Variants in FAM171B observed in about 807,000 individuals in gnomAD.
FAM171B encodes the protein family with sequence similarity 171 member B, also known as protein FAM171B.
FAM171B carries 19 observed loss-of-function variants against 75.6 expected under a neutral mutation model. That is an observed-to-expected ratio of 0.25 (90% CI 0.18 to 0.37). The LOEUF is 0.37. Among genes scored for constraint, FAM171B ranks in the 10% least tolerant of loss-of-function variants. The probability of loss-of-function intolerance (pLI) is 1.00; values close to 1 mark genes in which losing one functional copy is unlikely to be tolerated. For missense variants in FAM171B, 848 were observed against 982.4 expected (o/e 0.86, Z 1.83); for synonymous variants, 367 against 361.7 (o/e 1.01, Z -0.17).
At chr2:186,734,488 CACA>C (rs1405159008) in intron 1 of FAM171B, among the ~76,000 whole-genome samples, 1 of 151,968 alleles carries the variant, frequency 6.6e-6, no homozygotes, top group East Asian at 1.9e-4. Flanking sequence ...AGCAGGTCAT[CACA>C]ACATCTCTGT....
At chr2:186,719,487 ATTG>A (rs1004919348) in intron 1 of FAM171B, among the ~76,000 whole-genome samples, 6 of 152,304 alleles carry the variant, frequency 3.9e-5, no homozygotes, top group African/African-American at 1.4e-4. Flanking sequence ...CTATCAGGCT[ATTG>A]TTTGTGTGTT....
At chr2:186,761,326 A>C in intron 7 of FAM171B, 90 bp downstream of exon 7, 4 of 1,487,442 alleles carry the variant, frequency 2.7e-6, no homozygotes, top group Non-Finnish European at 3.6e-6. Flanking sequence ...TTGTAGAAAT[A>C]AATTTAATCT....
At chr2:186,733,993 G>A (rs750676353) in intron 1 of FAM171B, among the ~76,000 whole-genome samples, 38 of 152,154 alleles carry the variant, frequency 2.5e-4, no homozygotes, top group Non-Finnish European at 7.4e-5. Flanking sequence ...AGCCCTGTAT[G>A]TGTTACAGCT....
chr2:186,721,816 G>A (rs555657531), intron 1 of FAM171B, among the ~76,000 whole-genome samples: 1 of 151,828 alleles, frequency 6.6e-6, no homozygotes, highest in South Asian at 2.1e-4. Context: ...AAACTTTCTT[G>A]GTTCACAGTC....
chr2:186,733,095 A>G (rs1690142415), intron 1 of FAM171B, among the ~76,000 whole-genome samples: 1 of 152,216 alleles, frequency 6.6e-6, no homozygotes, highest in Non-Finnish European at 1.5e-5. Context: ...CGACTGTAAC[A>G]GTGCGTGTAT....
intron 1 of FAM171B, among the ~76,000 whole-genome samples, chr2:186,714,349 T>A (rs72905198): frequency 0.015 from 2,350 of 152,244 alleles, 43 homozygotes; most frequent in Non-Finnish European, 0.025. Context: ...TTTTCTGATG[T>A]TAACAATATT....
At chr2:186,711,939 A>G (rs145968444) in intron 1 of FAM171B, among the ~76,000 whole-genome samples, 2 of 152,224 alleles carry the variant, frequency 1.3e-5, no homozygotes, top group Non-Finnish European at 2.9e-5. Flanking sequence ...ATAATAGGTC[A>G]TTTTTAAATT....
In FAM171B at chr2:186,762,900, A is replaced by C; in HGVS notation, c.*77A>C. The C allele has an allele frequency of 6.6e-7, 1 of 1,513,276 alleles. No homozygotes were observed. Among genetic ancestry groups the C allele is most frequent in the Non-Finnish European group, 8.9e-7 (1 of 1,125,054 alleles). 93.7% of individuals were successfully genotyped at this position (1,513,276 alleles called of 1,614,324 possible). ...TGTTGTAAATTGCAGTACGAACTTA[A>C]GAAAATGAGACTGAGCAATCTCATG... On this transcript the variant is annotated 3_prime_UTR_variant, in exon 8 of 8. Transcript: ENST00000304698. The surrounding 1 kb of genome is among the most constrained non-coding windows in gnomAD (Gnocchi z 4.0).
intron 1 of FAM171B, chr2:186,695,131 A>G (rs1231279206): frequency 6.6e-6 from 1 of 152,224 alleles, no homozygotes. Flanking sequence ...GCAAAAGCCT[A>G]TCCCTAGAGA....
At chr2:186,735,087 A>G (rs1690179471) in intron 1 of FAM171B, among the ~76,000 whole-genome samples, 1 of 152,140 alleles carries the variant, frequency 6.6e-6, no homozygotes, top group South Asian at 2.1e-4. Flanking sequence ...CTGCCCCACC[A>G]ACTCGGTAGG....
rs1340157357 is a variant in FAM171B, at chr2:186,694,182, G to A, written c.9G>A (p.Arg3=). 1 of 1,598,260 alleles carries A rather than the reference G, an allele frequency of 6.3e-7. No homozygotes were observed. The highest frequency in any genetic ancestry group is 8.5e-7 in the Non-Finnish European group (1 of 1,177,364). ...CCCTCTGGCTCTAGGCCATGGCGAG[G>A]CTCTGCCGGCGTGTCCCCTGCACCC... MA[R]LCRRVPCTLL... Residue 3 remains arginine, a synonymous_variant, in exon 1 of 8, where the codon AGG becomes AGA. Coordinates refer to ENST00000304698, the MANE Select transcript of FAM171B (RefSeq NM_177454.4).
intron 6 of FAM171B, among the ~76,000 whole-genome samples, chr2:186,755,583 C>A (rs16828214): frequency 0.17 from 25,311 of 152,170 alleles, 2,235 homozygotes; most frequent in Middle Eastern, 0.25. Context: ...TGTTTATCTG[C>A]AGCATTTTGT....
At chr2:186,748,290 G>T (rs1426852789) in intron 4 of FAM171B, among the ~76,000 whole-genome samples, 3 of 149,744 alleles carry the variant, frequency 2.0e-5, no homozygotes, top group African/African-American at 7.4e-5. Flanking sequence ...ACCTCAAACA[G>T]TCTATAATTC....
At chr2:186,720,727 C>G (rs370035054) in intron 1 of FAM171B, among the ~76,000 whole-genome samples, 14 of 117,858 alleles carry the variant, frequency 1.2e-4, no homozygotes, top group Admixed American at 2.4e-4. Flanking sequence ...GAAAAGAAAA[C>G]AAAACAAAAC....
At chr2:186,700,280 A>C (rs970188985) in intron 1 of FAM171B, among the ~76,000 whole-genome samples, 1 of 151,834 alleles carries the variant, frequency 6.6e-6, no homozygotes, top group Non-Finnish European at 1.5e-5. Context: ...TAAAATGTAC[A>C]TATGTGAAAT....
At chr2:186,760,996 G>A in intron 6 of FAM171B, 117 bp from the exon 7 acceptor site, 1 of 1,064,572 alleles carries the variant, frequency 9.4e-7, no homozygotes, top group Non-Finnish European at 1.3e-6. Flanking sequence ...TGTCATAGGA[G>A]GGGGGCAAAC....
chr2:186,694,452 G>A (rs1035561190), intron 1 of FAM171B, 41 bp downstream of exon 1: 2 of 1,587,704 alleles, frequency 1.3e-6, no homozygotes, highest in Non-Finnish European at 1.7e-6. Flanking sequence ...AGTCTCGGCC[G>A]GCGATCTCTT....
intron 1 of FAM171B, among the ~76,000 whole-genome samples, chr2:186,725,074 A>G (rs535445961): frequency 9.9e-5 from 15 of 152,250 alleles, no homozygotes; most frequent in Middle Eastern, 6.8e-3. Context: ...GCCAGGCGCG[A>G]TGGCTCACGC....
chr2:186,741,243 A>C (rs1183469377), intron 2 of FAM171B, among the ~76,000 whole-genome samples: 1 of 152,124 alleles, frequency 6.6e-6, no homozygotes, highest in Non-Finnish European at 1.5e-5. Context: ...TATTGCTTAG[A>C]GAGATCAAAT....
Sources: allele counts gnomAD v4.1 joint callset (sites outside exome capture counted in the v4.1 genomes callset), GRCh38; gene constraint gnomAD v4.1.1; non-coding constraint Gnocchi (gnomAD v3.1); transcripts MANE v1.5; gene names NCBI Gene and HGNC (gene_info 2026-07-23, HGNC 2026-07-21).